MSRA: variants seen among roughly 807,000 people sequenced by gnomAD.
MSRA encodes methionine sulfoxide reductase A, also known as mitochondrial peptide methionine sulfoxide reductase.
MSRA carries 54 observed loss-of-function variants against 31.3 expected under a neutral mutation model. That is an observed-to-expected ratio of 1.73 (90% CI 1.39 to 2.17). The LOEUF is 2.17. Among genes scored for constraint, MSRA ranks in the 30% most tolerant of loss-of-function variants. The pLI, the probability that MSRA is intolerant of heterozygous loss-of-function variation, is 0.00. For missense variants in MSRA, 507 were observed against 300.9 expected, an observed-to-expected ratio of 1.69 and a Z score of -5.07; for synonymous variants, 169 against 116.5, an observed-to-expected ratio of 1.45 and a Z score of -2.90.
intron 1 of MSRA, among the ~76,000 whole-genome samples, chr8:10,109,492 C>T (rs1243872313): frequency 1.3e-5 from 2 of 151,976 alleles, no homozygotes; most frequent in African/African-American, 2.4e-5. Context: ...CAGGCACGCA[C>T]CTACCACACT....
rs537078507 is a variant in MSRA, at chr8:10,295,807, C to G, written c.332-5727C>G. ...CAGCCCCGGTGCCTCTGCCCTCTCCCAGGTCTCATGGACTCTGGTGGACAA... is the reference window on the plus strand; with the variant it reads ...CAGCCCCGGTGCCTCTGCCCTCTCCGAGGTCTCATGGACTCTGGTGGACAA... On this transcript the variant is annotated intron_variant, in intron 3 of 5. Coordinates refer to ENST00000317173, the MANE Select transcript of MSRA (RefSeq NM_012331.5). 4.6e-5 allele frequency among the ~76,000 whole-genome samples: 7 copies of G among 152,248 alleles called. No individual in the cohort carries two copies. The East Asian group carries it at 1.4e-3, about 30-fold the overall frequency.
intron 3 of MSRA, among the ~76,000 whole-genome samples, chr8:10,280,757 C>A (rs1013250852): frequency 1.3e-5 from 2 of 152,130 alleles, no homozygotes; most frequent in African/African-American, 2.4e-5. Context: ...TTCATAATAG[C>A]CATAAAGTGG....
intron 1 of MSRA, among the ~76,000 whole-genome samples, chr8:10,073,102 G>C (rs1192726199): frequency 6.6e-6 from 1 of 151,874 alleles, no homozygotes; most frequent in Non-Finnish European, 1.5e-5. Flanking sequence ...AGAACTTCCA[G>C]TATTATGTTA....
chr8:10,362,662 A>G (rs1195462445), intron 5 of MSRA, among the ~76,000 whole-genome samples: 2 of 151,838 alleles, frequency 1.3e-5, no homozygotes, highest in African/African-American at 2.4e-5. Flanking sequence ...TCCCCCACCA[A>G]TTTCTCCCAA....
chr8:10,122,366 C>G (rs770295866), intron 1 of MSRA, among the ~76,000 whole-genome samples: 1 of 152,200 alleles, frequency 6.6e-6, no homozygotes, highest in African/African-American at 2.4e-5. Flanking sequence ...AGTGTGGAAG[C>G]TGTCCCCAAG....
rs181394860 is a variant in MSRA, at chr8:10,280,979, A to G, written c.332-20555A>G. ...AGCTGTAGAGACAGAAATAAGACAC[A>G]TTAGTCATTAGCTTGGACGGGGGAG... On this transcript the variant is annotated intron_variant, in intron 3 of 5. Coordinates refer to ENST00000317173, the MANE Select transcript of MSRA (RefSeq NM_012331.5). Among the ~76,000 whole-genome samples, 13 of 152,342 alleles carry G rather than the reference A, an allele frequency of 8.5e-5. No individual in the cohort carries two copies. The East Asian group carries it at 1.7e-3, about 20-fold the overall frequency.
At chr8:10,240,894 G>A (rs962157493) in intron 2 of MSRA, among the ~76,000 whole-genome samples, 2 of 151,620 alleles carry the variant, frequency 1.3e-5, no homozygotes, top group Non-Finnish European at 2.9e-5. Context: ...TTACAGGATC[G>A]CCACACAGCC....
intron 1 of MSRA, among the ~76,000 whole-genome samples, chr8:10,191,721 A>G (rs1166066010): frequency 2.6e-5 from 4 of 151,460 alleles, no homozygotes; most frequent in Admixed American, 1.3e-4. Flanking sequence ...GACTGGAAAT[A>G]TATTGTTCCT....
chr8:10,170,705 T>G (rs1170757721), intron 1 of MSRA, among the ~76,000 whole-genome samples: 2 of 152,248 alleles, frequency 1.3e-5, no homozygotes, highest in Non-Finnish European at 1.5e-5. Flanking sequence ...TGCCATTTTA[T>G]GTCAGGGACT....
intron 3 of MSRA, among the ~76,000 whole-genome samples, chr8:10,256,038 G>A (rs1346259034): frequency 1.3e-5 from 2 of 151,970 alleles, no homozygotes; most frequent in Non-Finnish European, 2.9e-5. Flanking sequence ...TTGATGTTCT[G>A]ACATGTATAA....
rs556156910 is a variant in MSRA at position 10,281,666 on chromosome 8, G to A, written c.332-19868G>A. On this transcript the variant is annotated intron_variant, in intron 3 of 5. Coordinates refer to ENST00000317173, the MANE Select transcript of MSRA (RefSeq NM_012331.5). Reference sequence around the variant, plus strand: ...CCGGCATGTGCTACAGGGGAAAATGGTATCAAATCTACACAATGACCGGGT... The same window carrying A: ...CCGGCATGTGCTACAGGGGAAAATGATATCAAATCTACACAATGACCGGGT... Among the ~76,000 whole-genome samples the A allele has an allele frequency of 4.0e-4, 61 of 151,996 alleles. 1 individual carries two copies. In the South Asian group the frequency reaches 0.012, roughly 30 times the overall value.
At chr8:10,292,808 G>T (rs1800316412) in intron 3 of MSRA, among the ~76,000 whole-genome samples, 1 of 152,192 alleles carries the variant, frequency 6.6e-6, no homozygotes, top group South Asian at 2.1e-4. Context: ...GGGCAGAGAG[G>T]GCTTGGTGGG....
At chr8:10,174,224 G>A (rs1388861633) in intron 1 of MSRA, among the ~76,000 whole-genome samples, 1 of 152,126 alleles carries the variant, frequency 6.6e-6, no homozygotes, top group African/African-American at 2.4e-5. Context: ...GGAGAGGTAG[G>A]AGAGGGGAGC....
At chr8:10,382,484 A>G (rs1806130082) in intron 5 of MSRA, among the ~76,000 whole-genome samples, 1 of 152,194 alleles carries the variant, frequency 6.6e-6, no homozygotes, top group Non-Finnish European at 1.5e-5. Flanking sequence ...GCAAGGAGGC[A>G]GGCTTTGAGT....
At chr8:10,251,867 G>A (rs77857642) in intron 3 of MSRA, among the ~76,000 whole-genome samples, 114 of 151,844 alleles carry the variant, frequency 7.5e-4, no homozygotes, top group African/African-American at 2.7e-3. Context: ...ATGGTGGGGG[G>A]GGGGGGACAT....
intron 1 of MSRA, among the ~76,000 whole-genome samples, chr8:10,181,292 A>C (rs1441472521): frequency 6.6e-6 from 1 of 152,220 alleles, no homozygotes; most frequent in Non-Finnish European, 1.5e-5. Flanking sequence ...GAAGTCAGAA[A>C]GTGAAATATC....
At chr8:10,355,953 G>A (rs547312351) in intron 5 of MSRA, among the ~76,000 whole-genome samples, 3,151 of 152,286 alleles carry the variant, frequency 0.021, 104 homozygotes, top group African/African-American at 0.072. Flanking sequence ...TAGGATTGAG[G>A]AAGGGGTCTG....
chr8:10,218,630 G>T (rs1410999632), intron 2 of MSRA, among the ~76,000 whole-genome samples: 1 of 152,178 alleles, frequency 6.6e-6, no homozygotes, highest in East Asian at 1.9e-4. Flanking sequence ...GTTTGCTGAA[G>T]AAAGCAGGAT....
intron 2 of MSRA, among the ~76,000 whole-genome samples, chr8:10,235,487 T>G (rs961235192): frequency 7.9e-5 from 12 of 151,974 alleles, no homozygotes; most frequent in African/African-American, 2.9e-4. Context: ...AGGTAGGAAA[T>G]GAGCAGACTA....
Sources: allele counts gnomAD v4.1 joint callset (sites outside exome capture counted in the v4.1 genomes callset), GRCh38; gene constraint gnomAD v4.1.1; transcripts MANE v1.5; gene names NCBI Gene and HGNC (gene_info 2026-07-23, HGNC 2026-07-21).